STARD13: variants seen among roughly 807,000 people sequenced by gnomAD.
The protein encoded by STARD13 is StAR related lipid transfer domain containing 13.
A neutral mutation model predicts 106.4 loss-of-function variants in STARD13; 62 were observed. The observed-to-expected ratio is 0.58, with a 90% CI of 0.48 to 0.72. The LOEUF is 0.72. Ranked by LOEUF, STARD13 falls within the 30% of genes least tolerant of loss-of-function variation. The pLI is 0.00. For missense variants in STARD13, 1,387 were observed against 1,424.0 expected, an observed-to-expected ratio of 0.97 and a Z score of 0.42; for synonymous variants, 565 against 553.0, an observed-to-expected ratio of 1.02 and a Z score of -0.31.
At chr13:33,210,861 G>A (rs1184638388) in intron 1 of STARD13, among the ~76,000 whole-genome samples, 2 of 152,104 alleles carry the variant, frequency 1.3e-5, no homozygotes, top group Non-Finnish European at 2.9e-5. Context: ...TCTAAAGAGG[G>A]CACCTCCACA....
At chr13:33,474,784 T>C in the STARD13 span, among the ~76,000 whole-genome samples, 1 of 152,218 alleles carries the variant, frequency 6.6e-6, no homozygotes, top group Non-Finnish European at 1.5e-5. Context: ...GTGAATTTCT[T>C]GACAAATAAG....
the STARD13 span, among the ~76,000 whole-genome samples, chr13:33,552,137 A>C: frequency 6.6e-6 from 1 of 152,226 alleles, no homozygotes; most frequent in South Asian, 2.1e-4. Context: ...CCCCAAGTAC[A>C]TGGAGCAATA....
the STARD13 span, among the ~76,000 whole-genome samples, chr13:33,574,894 G>A: frequency 6.7e-6 from 1 of 149,930 alleles, no homozygotes; most frequent in East Asian, 2.0e-4. Flanking sequence ...CAGTTTCACA[G>A]TGATGTTATA....
chr13:33,172,741 A>G (rs990867767), intron 1 of STARD13, among the ~76,000 whole-genome samples: 1 of 152,178 alleles, frequency 6.6e-6, no homozygotes, highest in Non-Finnish European at 1.5e-5. Flanking sequence ...TTTCTAAATG[A>G]CCAAAAATTC....
the STARD13 span, among the ~76,000 whole-genome samples, chr13:33,451,996 A>G: frequency 3.3e-5 from 5 of 152,232 alleles, no homozygotes; most frequent in African/African-American, 1.2e-4. Flanking sequence ...AATTTACTTC[A>G]AGAAACTCAA....
At chr13:33,208,944 C>T (rs1887565997) in intron 1 of STARD13, among the ~76,000 whole-genome samples, 2 of 152,202 alleles carry the variant, frequency 1.3e-5, no homozygotes, top group South Asian at 2.1e-4. Flanking sequence ...TATGGTACAG[C>T]CACATAGTGA....
chr13:33,368,307 C>G, the STARD13 span, among the ~76,000 whole-genome samples: 2 of 152,216 alleles, frequency 1.3e-5, no homozygotes, highest in Non-Finnish European at 2.9e-5. Flanking sequence ...TCTATGCCGG[C>G]TCTCTTTATA....
At chr13:33,167,655 C>A in intron 1 of STARD13, 33 bp from the exon 2 acceptor site, 5 of 1,590,954 alleles carry the variant, frequency 3.1e-6, no homozygotes, top group Non-Finnish European at 4.3e-6. Flanking sequence ...AATTGTGAGT[C>A]CCACAGCCGC....
intron 1 of STARD13, among the ~76,000 whole-genome samples, chr13:33,198,819 T>A (rs1037712986): frequency 6.6e-6 from 1 of 152,200 alleles, no homozygotes; most frequent in Non-Finnish European, 1.5e-5. Flanking sequence ...TGCTACTGCA[T>A]CTTCTCTAAT....
At chr13:33,233,189 C>T (rs1889011461) in intron 1 of STARD13, among the ~76,000 whole-genome samples, 1 of 152,244 alleles carries the variant, frequency 6.6e-6, no homozygotes, top group South Asian at 2.1e-4. Context: ...CAAGTTAAAT[C>T]CTCGGATTGG....
At chr13:33,290,341 G>A (rs570930364), upstream of STARD13, among the ~76,000 whole-genome samples, 83 of 152,316 alleles carry the variant, frequency 5.4e-4, 1 homozygote, top group South Asian at 0.015. Context: ...CAAAGATTGT[G>A]GGTTGATGTC....
chr13:33,460,078 G>A, the STARD13 span, among the ~76,000 whole-genome samples: 1 of 152,048 alleles, frequency 6.6e-6, no homozygotes, highest in African/African-American at 2.4e-5. Flanking sequence ...CAGTTCTGTG[G>A]GTTTTTTCAA....
At chr13:33,608,093 G>A in the STARD13 span, among the ~76,000 whole-genome samples, 2 of 152,122 alleles carry the variant, frequency 1.3e-5, no homozygotes, top group African/African-American at 4.8e-5. Flanking sequence ...TTTTTGTAGA[G>A]ATGGGGTCTC....
At chr13:33,665,631 A>C in the STARD13 span, among the ~76,000 whole-genome samples, 1 of 152,252 alleles carries the variant, frequency 6.6e-6, no homozygotes, top group Admixed American at 6.5e-5. Flanking sequence ...ATTACTATCA[A>C]GGATAATTTT....
chr13:33,240,922 T>A (rs1366910201), intron 1 of STARD13, among the ~76,000 whole-genome samples: 1 of 152,192 alleles, frequency 6.6e-6, no homozygotes, highest in African/African-American at 2.4e-5. Flanking sequence ...TTTTGTATCA[T>A]GCAGCTTTGC....
At chr13:33,424,576 C>A in the STARD13 span, among the ~76,000 whole-genome samples, 1 of 152,124 alleles carries the variant, frequency 6.6e-6, no homozygotes, top group East Asian at 1.9e-4. Context: ...CTGGCCTAAG[C>A]AACACCCGTG....
intron 12 of STARD13, among the ~76,000 whole-genome samples, chr13:33,109,167 T>C (rs752429426): frequency 6.6e-6 from 1 of 152,194 alleles, no homozygotes; most frequent in Non-Finnish European, 1.5e-5. Context: ...TAAAAAAGGA[T>C]ATATTGATCT....
intron 1 of STARD13, among the ~76,000 whole-genome samples, chr13:33,338,218 AC>A (rs2077918515): frequency 6.6e-6 from 1 of 152,174 alleles, no homozygotes; most frequent in Non-Finnish European, 1.5e-5. Context: ...TATCAGACCA[AC>A]CCATGAAATC....
At chr13:33,350,244 G>A (rs2078061787) in intron 1 of STARD13, 12 of 1,501,504 alleles carry the variant, frequency 8.0e-6, no homozygotes, top group South Asian at 1.3e-5. Flanking sequence ...TACGGGGCCG[G>A]CGCCTCCCCC....
Sources: gnomAD v4.1 joint callset for allele counts (sites outside exome capture counted in the v4.1 genomes callset) on GRCh38, gnomAD v4.1.1 for gene constraint, MANE v1.5 for transcripts, NCBI Gene and HGNC (gene_info 2026-07-23, HGNC 2026-07-21) for gene names.